The following PDGFRL variants were observed in gnomAD, a reference collection of about 807,000 sequenced individuals.
The protein encoded by PDGFRL is platelet-derived growth factor receptor-like protein.
A neutral mutation model predicts 37.2 loss-of-function variants in PDGFRL; 46 were observed. That is an observed-to-expected ratio of 1.24 (90% confidence interval 0.98 to 1.58). The LOEUF (loss-of-function observed/expected upper bound fraction) is 1.58. Among genes scored for constraint, PDGFRL ranks in the 40% most tolerant of loss-of-function variants. The pLI is 0.00. For synonymous variants in PDGFRL, 251 were observed against 184.3 expected, an observed-to-expected ratio of 1.36 and a Z score of -2.93; for missense variants, 692 against 467.6, an observed-to-expected ratio of 1.48 and a Z score of -4.43.
intron 2 of PDGFRL, among the ~76,000 whole-genome samples, chr8:17,611,630 A>G (rs1324071572): frequency 6.6e-6 from 1 of 152,208 alleles, no homozygotes; most frequent in Non-Finnish European, 1.5e-5. Context: ...CTAGATGGCT[A>G]AAGACACCGG....
intron 1 of PDGFRL, among the ~76,000 whole-genome samples, chr8:17,587,919 C>T (rs1247706835): frequency 6.6e-6 from 1 of 152,124 alleles, no homozygotes; most frequent in Non-Finnish European, 1.5e-5. Context: ...CATGAGCCAC[C>T]ACACCTGGCC....
At chr8:17,593,715 C>T (rs1380812653) in intron 2 of PDGFRL, among the ~76,000 whole-genome samples, 2 of 151,610 alleles carry the variant, frequency 1.3e-5, no homozygotes, top group Non-Finnish European at 2.9e-5. Context: ...ACCAACACAG[C>T]GAAACCCCGT....
At chr8:17,628,119 G>C (rs552510358) in intron 3 of PDGFRL, among the ~76,000 whole-genome samples, 1 of 145,866 alleles carries the variant, frequency 6.9e-6, no homozygotes, top group African/African-American at 2.6e-5. Flanking sequence ...TCAGCCTCCC[G>C]AGTAGCTGGG....
At chr8:17,596,590 C>T (rs1292221604) in intron 2 of PDGFRL, among the ~76,000 whole-genome samples, 1 of 152,096 alleles carries the variant, frequency 6.6e-6, no homozygotes, top group Non-Finnish European at 1.5e-5. Context: ...TATTAAAATG[C>T]ATTTGAAAAC....
intron 2 of PDGFRL, among the ~76,000 whole-genome samples, chr8:17,592,691 C>A (rs971567259): frequency 6.6e-6 from 1 of 152,194 alleles, no homozygotes; most frequent in Non-Finnish European, 1.5e-5. Context: ...CCTCAGGCAT[C>A]ACTGTCTCTG....
At chr8:17,637,980 G>A (rs1805006562) in intron 5 of PDGFRL, among the ~76,000 whole-genome samples, 1 of 151,974 alleles carries the variant, frequency 6.6e-6, no homozygotes, top group Non-Finnish European at 1.5e-5. Flanking sequence ...TAGTCTATCA[G>A]TTTTATTTAT....
chr8:17,604,178 G>A (rs1045493186), intron 2 of PDGFRL, among the ~76,000 whole-genome samples: 13 of 152,230 alleles, frequency 8.5e-5, no homozygotes, highest in Non-Finnish European at 1.3e-4. Context: ...TCAGTGTGGC[G>A]ATTCCTCAGG....
intron 2 of PDGFRL, among the ~76,000 whole-genome samples, chr8:17,611,457 C>T (rs17689517): frequency 0.18 from 26,835 of 152,130 alleles, 2,505 homozygotes; most frequent in South Asian, 0.33. Context: ...TCTTAACCGC[C>T]CTTTTACAAA....
chr8:17,627,767 C>T (rs551771713), intron 3 of PDGFRL, among the ~76,000 whole-genome samples: 1 of 151,848 alleles, frequency 6.6e-6, no homozygotes, highest in Non-Finnish European at 1.5e-5. Context: ...TGAGCCACCA[C>T]GCCTGGCCAG....
upstream of PDGFRL, chr8:17,577,205 C>T (rs757084563): frequency 9.4e-6 from 15 of 1,591,196 alleles, no homozygotes; most frequent in African/African-American, 1.3e-5. Flanking sequence ...GCGTCCCCGC[C>T]CCGCGCAGCC....
At chr8:17,627,220 C>G (rs1338527461) in intron 3 of PDGFRL, among the ~76,000 whole-genome samples, 1 of 152,180 alleles carries the variant, frequency 6.6e-6, no homozygotes, top group African/African-American at 2.4e-5. Context: ...GGGTTTAAAA[C>G]TTACAATCAT....
At chr8:17,621,315 G>C (rs1563523518) in intron 3 of PDGFRL, 113 bp downstream of exon 3, 3 of 643,504 alleles carry the variant, frequency 4.7e-6, no homozygotes, top group African/African-American at 3.7e-5. Context: ...AGCACTTCCT[G>C]TTTGCCAGGC....
intron 5 of PDGFRL, among the ~76,000 whole-genome samples, chr8:17,640,288 A>T (rs1254133410): frequency 1.3e-4 from 19 of 151,898 alleles, no homozygotes; most frequent in Admixed American, 1.2e-3. Context: ...CAATTCAGGG[A>T]TTTCTTTTTG....
chr8:17,598,309 T>C (rs1321411328), intron 2 of PDGFRL, among the ~76,000 whole-genome samples: 1 of 152,188 alleles, frequency 6.6e-6, no homozygotes, highest in Non-Finnish European at 1.5e-5. Context: ...TATTATTGCT[T>C]ATTTGTTTAT....
intron 1 of PDGFRL, among the ~76,000 whole-genome samples, chr8:17,586,373 C>A (rs1240816909): frequency 1.3e-5 from 2 of 152,172 alleles, no homozygotes; most frequent in South Asian, 4.1e-4. Context: ...TTCTGTTTGG[C>A]TTGGAACTCC....
At chr8:17,577,105 C>CTT, upstream of PDGFRL, 2 of 691,278 alleles carry the variant, frequency 2.9e-6, no homozygotes, top group Non-Finnish European at 2.0e-6. Context: ...AATTCCCCAA[C>CTT]TTTTTCCCCC....
At chr8:17,621,866 T>G (rs1210854085) in intron 3 of PDGFRL, among the ~76,000 whole-genome samples, 1 of 152,144 alleles carries the variant, frequency 6.6e-6, no homozygotes, top group African/African-American at 2.4e-5. Context: ...AGAAGTGAGG[T>G]CTCACTGTGT....
chr8:17,631,806 C>T (rs11203873), intron 4 of PDGFRL, among the ~76,000 whole-genome samples: 2 of 151,986 alleles, frequency 1.3e-5, no homozygotes, highest in Non-Finnish European at 2.9e-5. Context: ...TCCCCCACAG[C>T]TTTCTCACTC....
intron 5 of PDGFRL, among the ~76,000 whole-genome samples, chr8:17,642,219 T>C (rs1198058065): frequency 6.6e-6 from 1 of 152,196 alleles, no homozygotes; most frequent in Non-Finnish European, 1.5e-5. Context: ...CTTTCAGTTC[T>C]GTAGGTAAGA....
Sources: allele counts gnomAD v4.1 joint callset (sites outside exome capture counted in the v4.1 genomes callset), GRCh38; gene constraint gnomAD v4.1.1; transcripts MANE v1.5; gene names NCBI Gene and HGNC (gene_info 2026-07-23, HGNC 2026-07-21).